Variants in CDH12 observed in about 807,000 individuals in gnomAD.
The protein encoded by CDH12 is cadherin-12.
In CDH12, 41 loss-of-function variants were observed where a neutral mutation model predicts 74.1. The observed-to-expected ratio is 0.55, with a 90% CI of 0.43 to 0.72. The LOEUF is 0.72. Ranked by LOEUF, CDH12 falls within the 30% of genes least tolerant of loss-of-function variation. The pLI is 0.00. For synonymous variants in CDH12, 399 were observed against 355.0 expected (o/e 1.12, Z -1.39); for missense variants, 945 against 977.2 (o/e 0.97, Z 0.44).
At chr5:21,976,128 T>C (rs1757061711) in intron 5 of CDH12, among the ~76,000 whole-genome samples, 2 of 152,186 alleles carry the variant, frequency 1.3e-5, no homozygotes, top group South Asian at 4.1e-4. Flanking sequence ...CCACTATGAT[T>C]GGTAGAATCA....
intron 3 of CDH12, among the ~76,000 whole-genome samples, chr5:22,301,873 T>A (rs1320515502): frequency 1.3e-5 from 2 of 151,908 alleles, no homozygotes; most frequent in African/African-American, 4.8e-5. Flanking sequence ...CTCACCATGT[T>A]GCCCAGGCTG....
At chr5:22,001,305 C>T (rs1227336813) in intron 5 of CDH12, among the ~76,000 whole-genome samples, 1 of 146,050 alleles carries the variant, frequency 6.8e-6, no homozygotes, top group African/African-American at 2.8e-5. Flanking sequence ...TATCCCGTCC[C>T]CCTCCTCCTT....
chr5:22,446,132 C>T (rs536078571), intron 2 of CDH12, among the ~76,000 whole-genome samples: 1 of 152,184 alleles, frequency 6.6e-6, no homozygotes, highest in Non-Finnish European at 1.5e-5. Context: ...CCTAATCTCT[C>T]AGCCTTTGGA....
rs1219299529 is a variant in CDH12, at chr5:22,629,395, C to T, written c.-522-124031G>A. On this transcript the variant is annotated intron_variant, in intron 1 of 14. Coordinates refer to ENST00000382254, the MANE Select transcript of CDH12 (RefSeq NM_004061.5). The stretch of plus-strand genomic sequence containing the variant: ...TACTAGCAAACTGAATCCAGCAGAA[C>T]ATCAAAATCGAATCCACCTAGATTA... Among the ~76,000 whole-genome samples, 5 of 152,056 alleles carry T rather than the reference C, an allele frequency of 3.3e-5. No individual in the cohort carries two copies. The South Asian group carries it at 6.2e-4, about 19-fold the overall frequency.
intron 5 of CDH12, among the ~76,000 whole-genome samples, chr5:22,046,426 AT>A: frequency 7.8e-6 from 1 of 127,474 alleles, no homozygotes; most frequent in South Asian, 2.3e-4. Flanking sequence ...TGGTCATTTA[AT>A]TTCTTTTTTT....
chr5:21,881,813 G>A (rs138099410), intron 6 of CDH12, among the ~76,000 whole-genome samples: 1 of 152,178 alleles, frequency 6.6e-6, no homozygotes, highest in East Asian at 1.9e-4. Flanking sequence ...ACTTGCCTAA[G>A]ATCAGATATG....
intron 1 of CDH12, among the ~76,000 whole-genome samples, chr5:22,532,911 T>C (rs940518117): frequency 1.1e-4 from 17 of 151,888 alleles, no homozygotes; most frequent in African/African-American, 3.9e-4. Flanking sequence ...CACTCAATAA[T>C]AAAAGCATAA....
chr5:22,661,877 G>C (rs929447696), intron 1 of CDH12, among the ~76,000 whole-genome samples: 1 of 152,018 alleles, frequency 6.6e-6, no homozygotes, highest in Non-Finnish European at 1.5e-5. Context: ...TTAGTAAATT[G>C]CTTGAATGTA....
intron 2 of CDH12, among the ~76,000 whole-genome samples, chr5:22,465,314 G>C (rs962307313): frequency 3.3e-5 from 5 of 152,088 alleles, no homozygotes; most frequent in Non-Finnish European, 7.4e-5. Flanking sequence ...ATACTCAAAA[G>C]TATACTCTGT....
chr5:21,828,104 A>G (rs1748782089), intron 8 of CDH12, among the ~76,000 whole-genome samples: 2 of 152,068 alleles, frequency 1.3e-5, no homozygotes. Context: ...ACCTTACAAA[A>G]TAAGCTTTGA....
At chr5:22,325,801 G>A (rs1200261805) in intron 3 of CDH12, among the ~76,000 whole-genome samples, 1 of 151,614 alleles carries the variant, frequency 6.6e-6, no homozygotes, top group Non-Finnish European at 1.5e-5. Context: ...CCAGCTGCTC[G>A]GGAGGCTGAG....
Position 22,379,724 on chromosome 5 carries a change from T to C in CDH12, c.-333+25533A>G, listed in dbSNP as rs114125648. Among the ~76,000 whole-genome samples, 1,306 of 152,280 alleles carry C rather than the reference T, an allele frequency of 8.6e-3. 19 individuals are homozygous for C. The highest frequency in any genetic ancestry group is 0.03 in the African/African-American group (1,254 of 41,572). On this transcript the variant is annotated intron_variant, in intron 3 of 14. Coordinates refer to ENST00000382254, the MANE Select transcript of CDH12 (RefSeq NM_004061.5). ...TATGTTTGAAAGGTATAGTAAATTATGAAGCTTCACTGCAACTTTTTATTT... is the reference window on the plus strand; with the variant it reads ...TATGTTTGAAAGGTATAGTAAATTACGAAGCTTCACTGCAACTTTTTATTT...
chr5:22,597,939 T>C (rs2126808267), intron 1 of CDH12, among the ~76,000 whole-genome samples: 1 of 152,292 alleles, frequency 6.6e-6, no homozygotes, highest in East Asian at 1.9e-4. Flanking sequence ...ATCAAAGATA[T>C]AGGTAATATT....
At chr5:22,333,127 T>C (rs909408846) in intron 3 of CDH12, among the ~76,000 whole-genome samples, 3 of 152,180 alleles carry the variant, frequency 2.0e-5, no homozygotes, top group Non-Finnish European at 4.4e-5. Context: ...CATGGAATAC[T>C]ATGCAGCCAT....
At chr5:22,329,143 G>A (rs1181960439) in intron 3 of CDH12, among the ~76,000 whole-genome samples, 1 of 152,130 alleles carries the variant, frequency 6.6e-6, no homozygotes, top group Non-Finnish European at 1.5e-5. Context: ...CAGTGCTATG[G>A]CATGGTCAAA....
At chr5:22,208,526 A>G (rs1751355559) in intron 4 of CDH12, among the ~76,000 whole-genome samples, 1 of 152,144 alleles carries the variant, frequency 6.6e-6, no homozygotes, top group South Asian at 2.1e-4. Flanking sequence ...TGTCCTTTTT[A>G]CGTTTCTCAA....
intron 5 of CDH12, among the ~76,000 whole-genome samples, chr5:22,038,761 A>C (rs1739357563): frequency 6.6e-6 from 1 of 152,172 alleles, no homozygotes; most frequent in Non-Finnish European, 1.5e-5. Flanking sequence ...GAAGTGGCAC[A>C]TCACCTCATT....
intron 6 of CDH12, among the ~76,000 whole-genome samples, chr5:21,972,190 A>C (rs1489213025): frequency 6.6e-6 from 1 of 152,060 alleles, no homozygotes; most frequent in African/African-American, 2.4e-5. Context: ...ATATTTCTTC[A>C]TCTTATGTTT....
chr5:22,158,668 G>A (rs771175225), intron 4 of CDH12, among the ~76,000 whole-genome samples: 10 of 151,988 alleles, frequency 6.6e-5, no homozygotes, highest in Non-Finnish European at 1.2e-4. Context: ...AATATTAGCC[G>A]TGTACACCTT....
Sources: allele counts gnomAD v4.1 joint callset (sites outside exome capture counted in the v4.1 genomes callset), GRCh38; gene constraint gnomAD v4.1.1; transcripts MANE v1.5; gene names NCBI Gene and HGNC (gene_info 2026-07-23, HGNC 2026-07-21).